INVS: variants seen among roughly 807,000 people sequenced by gnomAD.
The protein encoded by INVS is inversin, also known as inversion of embryo turning homolog.
Under a neutral mutation model 108.8 loss-of-function variants are expected in INVS, and 86 were observed. That is an observed-to-expected ratio of 0.79 (90% CI 0.66 to 0.95). The LOEUF (loss-of-function observed/expected upper bound fraction) is 0.95. Among genes scored for constraint, INVS ranks in the 40% least tolerant of loss-of-function variants. INVS has a pLI of 0.00. For synonymous variants in INVS, 455 were observed against 473.5 expected, an observed-to-expected ratio of 0.96 and a Z score of 0.51; for missense variants, 1,169 against 1,297.4, an observed-to-expected ratio of 0.90 and a Z score of 1.52.
At chr9:100,272,775 C>T in intron 11 of INVS, 89 bp from the exon 12 acceptor site, 2 of 1,216,882 alleles carry the variant, frequency 1.6e-6, no homozygotes, top group Non-Finnish European at 2.4e-6. Flanking sequence ...ATGAAGTTTC[C>T]TTCTGCTGCA....
chr9:100,288,500 G>A (rs907244027), intron 13 of INVS, among the ~76,000 whole-genome samples: 3 of 152,118 alleles, frequency 2.0e-5, no homozygotes, highest in African/African-American at 4.8e-5. Flanking sequence ...TCTAATTTGA[G>A]TGGCTTAGAT....
chr9:100,143,917 G>C (rs1828516031), intron 3 of INVS, among the ~76,000 whole-genome samples: 1 of 152,146 alleles, frequency 6.6e-6, no homozygotes, highest in African/African-American at 2.4e-5. Flanking sequence ...CGTCCGTGAT[G>C]GTTTAGGGGG....
At chr9:100,125,843 G>A (rs1053722242) in intron 2 of INVS, among the ~76,000 whole-genome samples, 3 of 151,896 alleles carry the variant, frequency 2.0e-5, no homozygotes, top group African/African-American at 7.2e-5. Context: ...CCGCCACCAC[G>A]CCTGGCTAAT....
chr9:100,270,767 A>G (rs1253654100), intron 11 of INVS, among the ~76,000 whole-genome samples: 1 of 150,196 alleles, frequency 6.7e-6, no homozygotes, highest in African/African-American at 2.4e-5. Context: ...AAAAAAAAAA[A>G]AAAAATTAGC....
chr9:100,220,739 G>A (rs888582868), intron 3 of INVS, among the ~76,000 whole-genome samples: 1 of 152,182 alleles, frequency 6.6e-6, no homozygotes, highest in African/African-American at 2.4e-5. Context: ...GCTCACGCCT[G>A]TAATCCCAGC....
chr9:100,205,775 G>T (rs986808049), intron 3 of INVS, among the ~76,000 whole-genome samples: 1 of 151,678 alleles, frequency 6.6e-6, no homozygotes, highest in Non-Finnish European at 1.5e-5. Flanking sequence ...TTTACAATTT[G>T]TAAAGCATTT....
intron 1 of INVS, among the ~76,000 whole-genome samples, chr9:100,100,700 A>G (rs1165009290): frequency 3.0e-5 from 1 of 33,214 alleles, no homozygotes; most frequent in Admixed American, 5.2e-4. Context: ...TTATATATGT[A>G]CATATAATAT....
intron 3 of INVS, among the ~76,000 whole-genome samples, chr9:100,152,273 G>A (rs1828832100): frequency 6.6e-6 from 1 of 152,046 alleles, no homozygotes. Flanking sequence ...ATCAATGCTT[G>A]CTGAATTGAA....
intron 2 of INVS, among the ~76,000 whole-genome samples, chr9:100,111,381 A>C (rs750998427): frequency 7.9e-5 from 12 of 152,202 alleles, no homozygotes; most frequent in Non-Finnish European, 1.3e-4. Flanking sequence ...ATGTACTCTT[A>C]TGCTTCCACA....
chr9:100,131,410 A>G (rs1456198581), intron 3 of INVS, among the ~76,000 whole-genome samples: 3 of 152,192 alleles, frequency 2.0e-5, no homozygotes, highest in African/African-American at 7.2e-5. Flanking sequence ...CTGGAAACAA[A>G]TTACTGTTAG....
chr9:100,235,563 G>C (rs922625420), intron 5 of INVS, among the ~76,000 whole-genome samples: 1 of 152,128 alleles, frequency 6.6e-6, no homozygotes, highest in Non-Finnish European at 1.5e-5. Context: ...AGGCCTGGTG[G>C]TGACAAAAAT....
intron 3 of INVS, among the ~76,000 whole-genome samples, chr9:100,160,421 T>C (rs1387793543): frequency 1.3e-5 from 2 of 152,256 alleles, no homozygotes; most frequent in African/African-American, 4.8e-5. Context: ...TCTAATTGAC[T>C]GTCTTCCCAA....
intron 4 of INVS, among the ~76,000 whole-genome samples, chr9:100,226,706 G>A (rs2806683): frequency 0.32 from 48,132 of 151,322 alleles, 8,776 homozygotes; most frequent in Non-Finnish European, 0.43. Context: ...CCAGCTACTC[G>A]GGAAGCTGAG....
intron 3 of INVS, among the ~76,000 whole-genome samples, chr9:100,160,492 A>G (rs1025664975): frequency 6.6e-6 from 1 of 152,192 alleles, no homozygotes. Flanking sequence ...AAACACATTT[A>G]TTAGTCAATA....
At chr9:100,244,626 A>G (rs991516166) in intron 7 of INVS, among the ~76,000 whole-genome samples, 2 of 152,152 alleles carry the variant, frequency 1.3e-5, no homozygotes, top group Non-Finnish European at 2.9e-5. Flanking sequence ...CCAATTCCAG[A>G]GTTGATTTTT....
intron 10 of INVS, among the ~76,000 whole-genome samples, chr9:100,253,596 G>A (rs1230881154): frequency 1.3e-5 from 2 of 152,014 alleles, no homozygotes. Context: ...CCCGGTGTGT[G>A]ATGTTCCCCA....
rs961088999 is a variant in INVS, at chr9:100,151,093, A to G, written c.273+24544A>G. ...GGAGGTGAGAACTTTAGCCATGTGA[A>G]CACCTGAGGGAAGAGCATTCATTCC... On this transcript the variant is annotated intron_variant, in intron 3 of 16. Transcript: ENST00000262457. Among the ~76,000 whole-genome samples, 4 of 152,334 alleles carry G rather than the reference A, an allele frequency of 2.6e-5. No individual in the cohort carries two copies. In the South Asian group the frequency reaches 8.3e-4, roughly 32 times the overall value.
intron 3 of INVS, among the ~76,000 whole-genome samples, chr9:100,186,273 C>G (rs1728615601): frequency 6.6e-6 from 1 of 152,164 alleles, no homozygotes; most frequent in African/African-American, 2.4e-5. Flanking sequence ...CCTCAGCCCC[C>G]TCAGTAGCTG....
intron 2 of INVS, 145 bp from the exon 3 acceptor site, chr9:100,126,238 A>G: frequency 1.5e-6 from 1 of 682,502 alleles, no homozygotes; most frequent in Non-Finnish European, 2.5e-6. Flanking sequence ...TGACAATGGT[A>G]ATATCTACTT....
Sources: gnomAD v4.1 joint callset for allele counts (sites outside exome capture counted in the v4.1 genomes callset) on GRCh38, gnomAD v4.1.1 for gene constraint, MANE v1.5 for transcripts, NCBI Gene and HGNC (gene_info 2026-07-23, HGNC 2026-07-21) for gene names.